ABCA13: variants seen among roughly 807,000 people sequenced by gnomAD.
ABCA13 encodes ATP binding cassette subfamily A member 13.
In ABCA13, 476 loss-of-function variants were observed where a neutral mutation model predicts 478.7. That is an observed-to-expected ratio of 0.99 (90% CI 0.92 to 1.07). The LOEUF (loss-of-function observed/expected upper bound fraction) is 1.07, where lower values mean the gene tolerates loss of function less well. Among genes scored for constraint, ABCA13 ranks in the 50% least tolerant of loss-of-function variants. The pLI is 0.00. For synonymous variants in ABCA13, 2,252 were observed against 2,158.9 expected (o/e 1.04, Z -1.20); for missense variants, 6,060 against 5,910.6 (o/e 1.03, Z -0.83).
At chr7:48,277,408 C>G (rs976139417) in intron 17 of ABCA13, among the ~76,000 whole-genome samples, 1 of 152,200 alleles carries the variant, frequency 6.6e-6, no homozygotes, top group African/African-American at 2.4e-5. Flanking sequence ...CAGAGTTTTC[C>G]TGGCCCACTC....
chr7:48,534,494 C>A (rs369217177), intron 55 of ABCA13, among the ~76,000 whole-genome samples: 3 of 152,156 alleles, frequency 2.0e-5, no homozygotes, highest in East Asian at 3.9e-4. Context: ...AGGTGATGAT[C>A]TTTTTTCAAT....
At chr7:48,286,507 C>T (rs1797768783) in intron 19 of ABCA13, among the ~76,000 whole-genome samples, 1 of 151,624 alleles carries the variant, frequency 6.6e-6, no homozygotes, top group Admixed American at 6.6e-5. Flanking sequence ...TTCCTTCCTT[C>T]CTTCCTTCCT....
intron 55 of ABCA13, among the ~76,000 whole-genome samples, chr7:48,554,880 G>A (rs1785647440): frequency 6.6e-6 from 1 of 150,736 alleles, no homozygotes; most frequent in African/African-American, 2.4e-5. Context: ...CCAGTACTAT[G>A]TTAAATAACA....
At position 48,647,297 on chromosome 7, in the gene ABCA13, C is replaced by T. The variant is rs1795486484; in HGVS notation, c.*1785C>T. On this transcript the variant is annotated 3_prime_UTR_variant, in exon 62 of 62. Coordinates refer to ENST00000435803, the MANE Select transcript of ABCA13 (RefSeq NM_152701.5). ...CTTTGTTGTGAGCAATTTTGATTCC[C>T]ATGTATCACATGAATTACACTTCCT... 6.6e-6 allele frequency: 1 copy of T among 152,236 alleles called. No homozygotes were observed. The highest frequency in any genetic ancestry group is 6.5e-5 in the Admixed American group (1 of 15,296). The allele number at this position is 152,236 out of a possible 1,614,324, so 9.4% of individuals were successfully genotyped here.
chr7:48,642,748 A>G (rs933438935), intron 59 of ABCA13, among the ~76,000 whole-genome samples: 26 of 152,196 alleles, frequency 1.7e-4, no homozygotes, highest in Non-Finnish European at 1.8e-4. Flanking sequence ...TGTGAGGAAC[A>G]GAGCCCCTTA....
chr7:48,551,372 A>ACCACTTTTGCATTG (rs1375182562), intron 55 of ABCA13, among the ~76,000 whole-genome samples: 1 of 151,886 alleles, frequency 6.6e-6, no homozygotes, highest in Non-Finnish European at 1.5e-5. Context: ...ATTAATTAAA[A>ACCACTTTTGCATTG]CCACTTTTGC....
At chr7:48,626,434 T>C (rs17132520) in intron 59 of ABCA13, among the ~76,000 whole-genome samples, 20,697 of 152,024 alleles carry the variant, frequency 0.14, 1,983 homozygotes, top group African/African-American at 0.24. Flanking sequence ...GCAAGTGGAA[T>C]ACAGGTGGAA....
intron 35 of ABCA13, among the ~76,000 whole-genome samples, chr7:48,380,237 T>G (rs1188029238): frequency 6.6e-6 from 1 of 152,226 alleles, no homozygotes; most frequent in African/African-American, 2.4e-5. Flanking sequence ...TTAATACAAT[T>G]TAGTGCATTT....
chr7:48,191,218 T>A (rs1797061473), intron 1 of ABCA13, among the ~76,000 whole-genome samples: 1 of 152,182 alleles, frequency 6.6e-6, no homozygotes, highest in Non-Finnish European at 1.5e-5. Flanking sequence ...CTCCTGAGCG[T>A]CCTTGACCTT....
In ABCA13 at chr7:48,229,818, G is replaced by A. The variant is rs769887352; in HGVS notation, c.633-7G>A. ...TCATATTGCTTTTTGTTTTGTTTTG[G>A]TTCTAGTTCCTTAATATCCCTAGAA... On this transcript the variant is annotated splice_polypyrimidine_tract_variant and splice_region_variant and intron_variant, in intron 6 of 61. Coordinates refer to ENST00000435803, the MANE Select transcript of ABCA13 (RefSeq NM_152701.5). 3.1e-6 allele frequency: 5 copies of A among 1,613,630 alleles called. No individual in the cohort carries two copies. The highest frequency in any genetic ancestry group is 2.2e-5 in the South Asian group (2 of 91,034).
chr7:48,202,144 C>T (rs1798839931), intron 3 of ABCA13, among the ~76,000 whole-genome samples: 1 of 152,158 alleles, frequency 6.6e-6, no homozygotes. Context: ...AACGAAAGAA[C>T]AAAGCTTCCA....
intron 27 of ABCA13, among the ~76,000 whole-genome samples, chr7:48,330,537 A>G (rs115167689): frequency 5.4e-5 from 8 of 147,624 alleles, no homozygotes; most frequent in African/African-American, 1.8e-4. Context: ...CCATCTATCC[A>G]TTTATCCATT....
chr7:48,306,046 C>A (rs1316118307), intron 23 of ABCA13, among the ~76,000 whole-genome samples: 1 of 152,192 alleles, frequency 6.6e-6, no homozygotes, highest in African/African-American at 2.4e-5. Flanking sequence ...TAATCTTCCT[C>A]CCCTCCTACC....
intron 55 of ABCA13, 63 bp downstream of exon 55, chr7:48,528,408 C>A: frequency 1.8e-6 from 2 of 1,132,768 alleles, no homozygotes; most frequent in Non-Finnish European, 2.4e-6. Flanking sequence ...GAACCCCCAG[C>A]ATTTTCCCTC....
intron 55 of ABCA13, among the ~76,000 whole-genome samples, chr7:48,546,670 G>A (rs568579988): frequency 1.4e-4 from 21 of 151,492 alleles, no homozygotes; most frequent in South Asian, 6.3e-4. Flanking sequence ...AGGTTTTCCC[G>A]TTTTTTAAGT....
In ABCA13 at chr7:48,248,224, T is replaced by C; in HGVS notation, c.1660-15T>C. ...GCTTTATTTATTATAAGCAATATCTTCTTTTCTTGTTAAGGATCGTATTTT... is the reference window on the plus strand; with the variant it reads ...GCTTTATTTATTATAAGCAATATCTCCTTTTCTTGTTAAGGATCGTATTTT... On this transcript the variant is annotated splice_polypyrimidine_tract_variant and intron_variant, in intron 13 of 61. Transcript: ENST00000435803. 2 of 1,604,470 alleles carry C rather than the reference T, an allele frequency of 1.2e-6. No homozygotes were observed. The highest frequency in any genetic ancestry group is 1.7e-6 in the Non-Finnish European group (2 of 1,172,290).
intron 3 of ABCA13, among the ~76,000 whole-genome samples, chr7:48,203,574 G>A (rs1371323429): frequency 6.6e-6 from 1 of 152,200 alleles, no homozygotes; most frequent in African/African-American, 2.4e-5. Flanking sequence ...ATGAAAATCA[G>A]CTTCCTCATT....
intron 22 of ABCA13, 115 bp downstream of exon 22, chr7:48,297,426 A>G (rs937950034): frequency 2.0e-6 from 2 of 1,021,924 alleles, no homozygotes; most frequent in African/African-American, 3.3e-5. Flanking sequence ...GTGATACATA[A>G]TCATTTACAA....
At chr7:48,239,768 ACTTTAAGCT>A (rs1562854312) in intron 9 of ABCA13, among the ~76,000 whole-genome samples, 1 of 152,228 alleles carries the variant, frequency 6.6e-6, no homozygotes, top group African/African-American at 2.4e-5. Flanking sequence ...TCCCTCTAGC[ACTTTAAGCT>A]CTGAACTGGC....
Sources: allele counts gnomAD v4.1 joint callset (sites outside exome capture counted in the v4.1 genomes callset), GRCh38; gene constraint gnomAD v4.1.1; transcripts MANE v1.5; gene names NCBI Gene and HGNC (gene_info 2026-07-23, HGNC 2026-07-21).